Variants in BIRC6 observed in about 807,000 individuals in gnomAD.
The protein encoded by BIRC6 is dual E2 ubiquitin-conjugating enzyme/E3 ubiquitin-protein ligase BIRC6.
BIRC6 carries 98 observed loss-of-function variants against 503.3 expected under a neutral mutation model. That is an observed-to-expected ratio of 0.19 (90% CI 0.17 to 0.23). The LOEUF (loss-of-function observed/expected upper bound fraction) is 0.23, where lower values mean the gene tolerates loss of function less well. Among genes scored for constraint, BIRC6 ranks in the 10% least tolerant of loss-of-function variants. The pLI is 1.00. For synonymous variants in BIRC6, 2,240 were observed against 2,078.7 expected, an observed-to-expected ratio of 1.08 and a Z score of -2.11; for missense variants, 5,360 against 5,806.0, an observed-to-expected ratio of 0.92 and a Z score of 2.50.
chr2:32,398,168 G>T (rs1558619055), intron 6 of BIRC6, among the ~76,000 whole-genome samples: 1 of 152,146 alleles, frequency 6.6e-6, no homozygotes. Flanking sequence ...CATAAAAAAT[G>T]GACCATACCC....
In BIRC6 at chr2:32,485,627, C is replaced by G. The variant is rs368580756; in HGVS notation, c.7697-16C>G. On this transcript the variant is annotated splice_polypyrimidine_tract_variant and intron_variant, in intron 39 of 73. Transcript: ENST00000421745. ...AATTGTCAATGTTTTCTTTTTCTTT[C>G]AATTGCTTTTTGTAGCCCTGGATGC... 20 of 1,546,598 alleles carry G rather than the reference C, an allele frequency of 1.3e-5. No individual in the cohort carries two copies. In the African/African-American group the frequency reaches 2.7e-4, roughly 21 times the overall value.
chr2:32,472,445 T>C (rs949628033), intron 32 of BIRC6, among the ~76,000 whole-genome samples: 3 of 152,238 alleles, frequency 2.0e-5, no homozygotes, highest in African/African-American at 7.2e-5. Context: ...ATTGGGATTG[T>C]GTTTATACAT....
At chr2:32,431,119 T>A (rs1229902326) in intron 12 of BIRC6, 29 bp downstream of exon 12, 4 of 1,494,762 alleles carry the variant, frequency 2.7e-6, no homozygotes, top group Non-Finnish European at 3.7e-6. Context: ...ATAATTAATT[T>A]TAAGTCCATC....
intron 23 of BIRC6, among the ~76,000 whole-genome samples, chr2:32,454,522 C>T (rs1295705637): frequency 6.6e-6 from 1 of 151,362 alleles, no homozygotes; most frequent in Non-Finnish European, 1.5e-5. Flanking sequence ...TATTTATTTA[C>T]AGTTACTTCT....
chr2:32,520,393 A>G (rs2055523675), intron 57 of BIRC6, among the ~76,000 whole-genome samples: 1 of 152,244 alleles, frequency 6.6e-6, no homozygotes, highest in Non-Finnish European at 1.5e-5. Context: ...AATATTAAAA[A>G]AAATTTATTT....
At position 32,477,576 on chromosome 2, in the gene BIRC6, T is replaced by C; in HGVS notation, c.7061T>C (p.Val2354Ala). 1 of 1,612,998 alleles carries C rather than the reference T, an allele frequency of 6.2e-7. No homozygotes were observed. The highest frequency in any genetic ancestry group is 2.2e-5 in the East Asian group (1 of 44,856). Residue 2354 changes from valine (V) to alanine (A), a missense_variant, in exon 35 of 74, where the codon GTT (valine) becomes GCT (alanine). Physicochemically the swap from Val to Ala is moderately conservative, Grantham distance 64. Coordinates refer to ENST00000421745, the MANE Select transcript of BIRC6 (RefSeq NM_016252.4). ...FTCHADLLLF[V>A]CKVLARIANA... The stretch of plus-strand genomic sequence containing the variant: ...TGTCATGCAGATCTCTTATTGTTTG[T>C]TTGTAAGGTATGTAAACTATAAGTG...
intron 5 of BIRC6, among the ~76,000 whole-genome samples, chr2:32,394,420 A>G (rs2039612784): frequency 3.3e-5 from 5 of 152,126 alleles, no homozygotes. Flanking sequence ...TGAAATATAT[A>G]TAGCATTTTG....
intron 21 of BIRC6, 92 bp downstream of exon 21, chr2:32,445,760 A>G: frequency 1.1e-6 from 1 of 944,822 alleles, no homozygotes; most frequent in East Asian, 3.3e-5. Context: ...ATATGCTGAT[A>G]ACAGTCTTTT....
At chr2:32,482,920 G>GTTT (rs781690700) in intron 39 of BIRC6, among the ~76,000 whole-genome samples, 5 of 142,456 alleles carry the variant, frequency 3.5e-5, no homozygotes, top group Non-Finnish European at 6.2e-5. Context: ...TATTTTTGCA[G>GTTT]TTTTTTTTTT....
In BIRC6 at chr2:32,515,121, C is replaced by G; in HGVS notation, c.10700C>G (p.Thr3567Ser). 1 of 1,613,940 alleles carries G rather than the reference C, an allele frequency of 6.2e-7. No homozygotes were observed. The highest frequency in any genetic ancestry group is 8.5e-7 in the Non-Finnish European group (1 of 1,179,868). The change falls in exon 55 of 74, where the codon ACC becomes AGC. Residue 3567 changes from threonine to serine, a missense_variant. Thr to Ser is a moderately conservative substitution (Grantham distance 58). This residue lies in a region of BIRC6 where 878 missense variants were observed against 928.9 expected (regional missense o/e 0.95). Coordinates refer to ENST00000421745, the MANE Select transcript of BIRC6 (RefSeq NM_016252.4). ...FSLLMGWMGITPPPVQCHHRL... is the reference protein window; with the variant it reads ...FSLLMGWMGISPPPVQCHHRL... ...TTGCTCATGGGCTGGATGGGAATTA[C>G]CCCTCCTCCAGTGCAATGTCATCAT... is the stretch of plus-strand genomic sequence containing the variant.
At chr2:32,422,466 G>A (rs2043043519) in intron 10 of BIRC6, among the ~76,000 whole-genome samples, 1 of 151,608 alleles carries the variant, frequency 6.6e-6, no homozygotes, top group African/African-American at 2.4e-5. Context: ...TAATTTGTTA[G>A]GGACACCCAG....
intron 32 of BIRC6, among the ~76,000 whole-genome samples, chr2:32,472,445 T>G (rs949628033): frequency 1.3e-5 from 2 of 152,238 alleles, no homozygotes; most frequent in Non-Finnish European, 2.9e-5. Flanking sequence ...ATTGGGATTG[T>G]GTTTATACAT....
chr2:32,575,478 C>T (rs2060200257), intron 66 of BIRC6, 112 bp downstream of exon 66: 5 of 994,520 alleles, frequency 5.0e-6, no homozygotes, highest in African/African-American at 3.2e-5. Flanking sequence ...AGCATATACA[C>T]CCTCGGCTGG....
intron 73 of BIRC6, among the ~76,000 whole-genome samples, chr2:32,612,310 T>C (rs1470958427): frequency 6.6e-6 from 1 of 152,200 alleles, no homozygotes; most frequent in Non-Finnish European, 1.5e-5. Flanking sequence ...GAGAAAGCAG[T>C]TGTTTTCAGT....
At chr2:32,403,645 A>C (rs561553298) in intron 8 of BIRC6, among the ~76,000 whole-genome samples, 31 of 152,232 alleles carry the variant, frequency 2.0e-4, no homozygotes, top group Non-Finnish European at 3.5e-4. Context: ...GTACTGTTAC[A>C]ATATTAGTAT....
rs529811346 is a variant in BIRC6 at position 32,390,526 on chromosome 2, G to T, written c.840-1513G>T. ...GACAGGGTTTCACCATGTTGGCCAG[G>T]CTGGTCTCGAACTCCTGACCTCAAG... On this transcript the variant is annotated intron_variant, in intron 4 of 73. Transcript: ENST00000421745. Among the ~76,000 whole-genome samples, 3 of 152,200 alleles carry T rather than the reference G, an allele frequency of 2.0e-5. No homozygotes were observed. The East Asian group carries it at 5.8e-4, about 29-fold the overall frequency.
chr2:32,476,404 A>C, intron 34 of BIRC6, 60 bp downstream of exon 34: 2 of 1,483,986 alleles, frequency 1.3e-6, no homozygotes, highest in Non-Finnish European at 1.8e-6. Context: ...ATGATCTTTA[A>C]TTACGATCGA....
At chr2:32,599,021 CAAAAA>C (rs35744882) in intron 69 of BIRC6, among the ~76,000 whole-genome samples, 1 of 27,812 alleles carries the variant, frequency 3.6e-5, no homozygotes, top group Non-Finnish European at 6.3e-5. Context: ...AACTCCATCT[CAAAAA>C]AAAAAAAAAA....
chr2:32,482,278 T>C (rs544195595), intron 38 of BIRC6, 151 bp from the exon 39 acceptor site: 120 of 779,380 alleles, frequency 1.5e-4, no homozygotes, highest in African/African-American at 2.6e-4. Flanking sequence ...ACCATTCTTA[T>C]AAATCATTAA....
Sources: allele counts gnomAD v4.1 joint callset (sites outside exome capture counted in the v4.1 genomes callset), GRCh38; gene constraint gnomAD v4.1.1; regional missense constraint gnomAD v4.1.1; transcripts MANE v1.5; gene names NCBI Gene and HGNC (gene_info 2026-07-23, HGNC 2026-07-21).